Variants in ACACA observed in about 807,000 individuals in gnomAD.
ACACA encodes the protein acetyl-CoA carboxylase 1.
In ACACA, 103 loss-of-function variants were observed where a neutral mutation model predicts 296.1. The observed-to-expected ratio is 0.35, with a 90% CI of 0.30 to 0.41. The LOEUF (loss-of-function observed/expected upper bound fraction) is 0.41. Among genes scored for constraint, ACACA ranks in the 10% least tolerant of loss-of-function variants. The probability of loss-of-function intolerance (pLI) is 1.00; values close to 1 mark genes in which losing one functional copy is unlikely to be tolerated. For missense variants in ACACA, 1,554 were observed against 2,989.7 expected (o/e 0.52, Z 11.20); for synonymous variants, 953 against 1,038.6 (o/e 0.92, Z 1.58).
intron 3 of ACACA, among the ~76,000 whole-genome samples, chr17:37,316,451 T>G (rs2047099102): frequency 6.6e-6 from 1 of 151,868 alleles, no homozygotes; most frequent in Non-Finnish European, 1.5e-5. Flanking sequence ...TAATTAGTAC[T>G]GTTGTGAGTA....
intron 5 of ACACA, among the ~76,000 whole-genome samples, chr17:37,281,937 A>G (rs1327125606): frequency 6.6e-6 from 1 of 152,206 alleles, no homozygotes; most frequent in African/African-American, 2.4e-5. Flanking sequence ...ACAATTATCC[A>G]GTGAATTAGA....
chr17:37,291,410 A>G (rs2146723491), intron 3 of ACACA, among the ~76,000 whole-genome samples: 1 of 152,138 alleles, frequency 6.6e-6, no homozygotes, highest in East Asian at 1.9e-4. Context: ...TCCCAACCTC[A>G]GGTGATCCAC....
chr17:37,353,145 T>C (rs557713412), intron 1 of ACACA, among the ~76,000 whole-genome samples: 1 of 152,310 alleles, frequency 6.6e-6, no homozygotes, highest in African/African-American at 2.4e-5. Context: ...ATTAAACAGC[T>C]TGCCTTGCCA....
chr17:37,343,198 A>C lies in ACACA; in HGVS notation c.39-3348T>G, dbSNP rs139900623. 6.3e-3 allele frequency among the ~76,000 whole-genome samples: 961 copies of C among 151,956 alleles called. 9 individuals carry two copies. The highest frequency in any genetic ancestry group is 0.022 in the African/African-American group (911 of 41,504). ...TCACCATGTTGGCCAGGCTGGTCTC[A>C]AACTCCTGATATCAGGTGATCCACC... On this transcript the variant is annotated intron_variant, in intron 1 of 55. Coordinates refer to ENST00000616317, the MANE Select transcript of ACACA (RefSeq NM_198834.3).
At chr17:37,266,188 A>G (rs186315165) in intron 10 of ACACA, among the ~76,000 whole-genome samples, 31 of 152,120 alleles carry the variant, frequency 2.0e-4, no homozygotes, top group Admixed American at 1.4e-3. Flanking sequence ...CCAAGGTGGG[A>G]GGATCATCTG....
intron 45 of ACACA, among the ~76,000 whole-genome samples, chr17:37,134,793 A>C (rs1044179458): frequency 3.3e-5 from 5 of 152,122 alleles, no homozygotes; most frequent in African/African-American, 1.2e-4. Flanking sequence ...TTCCATTCTC[A>C]AGAGGATTTG....
chr17:37,279,416 C>A (rs1001385951), intron 5 of ACACA, among the ~76,000 whole-genome samples: 1 of 152,050 alleles, frequency 6.6e-6, no homozygotes, highest in African/African-American at 2.4e-5. Flanking sequence ...GGGCGGATCA[C>A]GAGGTCAGGA....
chr17:37,349,742 A>T (rs1186917269), intron 1 of ACACA, among the ~76,000 whole-genome samples: 1 of 151,512 alleles, frequency 6.6e-6, no homozygotes, highest in African/African-American at 2.4e-5. Context: ...TATTTTCAAT[A>T]GAGACAGGAT....
At chr17:37,287,569 TAAA>T (rs1170331801) in intron 3 of ACACA, among the ~76,000 whole-genome samples, 2 of 69,928 alleles carry the variant, frequency 2.9e-5, no homozygotes, top group African/African-American at 5.7e-5. Context: ...ACGTCTCTAC[TAAA>T]AAAAAAAAAA....
intron 35 of ACACA, among the ~76,000 whole-genome samples, chr17:37,198,805 A>G (rs2078118550): frequency 6.6e-6 from 1 of 152,248 alleles, no homozygotes; most frequent in South Asian, 2.1e-4. Flanking sequence ...TCAAGTCTTG[A>G]AAACCTAATA....
At chr17:37,329,968 C>A in intron 3 of ACACA, among the ~76,000 whole-genome samples, 1 of 151,886 alleles carries the variant, frequency 6.6e-6, no homozygotes, top group Non-Finnish European at 1.5e-5. Context: ...ACAAAAAAAA[C>A]CTAGTAGGAC....
At chr17:37,373,538 G>A (rs981065424) in intron 1 of ACACA, among the ~76,000 whole-genome samples, 8 of 147,632 alleles carry the variant, frequency 5.4e-5, no homozygotes, top group Admixed American at 4.8e-4. Context: ...GAACTACCGT[G>A]CCTGGCCCAG....
intron 1 of ACACA, among the ~76,000 whole-genome samples, chr17:37,350,859 G>A (rs1017076873): frequency 6.6e-6 from 1 of 152,126 alleles, no homozygotes; most frequent in Non-Finnish European, 1.5e-5. Flanking sequence ...CAGGCCAGGT[G>A]CAGTGGCCCA....
At chr17:37,251,481 C>T (rs1315575717) in intron 16 of ACACA, among the ~76,000 whole-genome samples, 14 of 152,144 alleles carry the variant, frequency 9.2e-5, no homozygotes, top group Admixed American at 9.2e-4. Context: ...AAATGATTAG[C>T]CACTTGGAAC....
intron 3 of ACACA, among the ~76,000 whole-genome samples, chr17:37,289,813 C>CT (rs2082959333): frequency 6.6e-6 from 1 of 152,192 alleles, no homozygotes; most frequent in Non-Finnish European, 1.5e-5. Context: ...AACTTCACCC[C>CT]TTAAGGAGGT....
chr17:37,341,266 A>C (rs890524643), intron 1 of ACACA, among the ~76,000 whole-genome samples: 1 of 152,228 alleles, frequency 6.6e-6, no homozygotes, highest in African/African-American at 2.4e-5. Context: ...CAATATTTTG[A>C]AAATGAAATA....
At chr17:37,298,528 GA>G (rs1275694493) in intron 3 of ACACA, among the ~76,000 whole-genome samples, 1 of 151,118 alleles carries the variant, frequency 6.6e-6, no homozygotes, top group Non-Finnish European at 1.5e-5. Flanking sequence ...CAAAAAACTT[GA>G]AAAAAAAATT....
intron 1 of ACACA, among the ~76,000 whole-genome samples, chr17:37,362,286 C>T (rs936666005): frequency 6.6e-6 from 1 of 152,142 alleles, no homozygotes; most frequent in African/African-American, 2.4e-5. Flanking sequence ...TATATGACTT[C>T]CAGGGTTTTC....
chr17:37,202,471 A>G (rs2078290344), intron 33 of ACACA, among the ~76,000 whole-genome samples: 1 of 151,818 alleles, frequency 6.6e-6, no homozygotes, highest in African/African-American at 2.4e-5. Flanking sequence ...CCTAATTTCT[A>G]TGAGAGAAAA....
Sources: allele counts gnomAD v4.1 joint callset (sites outside exome capture counted in the v4.1 genomes callset), GRCh38; gene constraint gnomAD v4.1.1; transcripts MANE v1.5; gene names NCBI Gene and HGNC (gene_info 2026-07-23, HGNC 2026-07-21).